Variants in SUGCT observed in about 807,000 individuals in gnomAD.
SUGCT encodes succinyl-CoA:glutarate-CoA transferase, also known as succinyl-CoA:glutarate CoA-transferase.
A neutral mutation model predicts 55.0 loss-of-function variants in SUGCT; 41 were observed. That is an observed-to-expected ratio of 0.74 (90% CI 0.58 to 0.97). SUGCT has a LOEUF of 0.97. Ranked by LOEUF, SUGCT falls within the 50% of genes least tolerant of loss-of-function variation. The pLI, the probability that SUGCT is intolerant of heterozygous loss-of-function variation, is 0.00. For synonymous variants in SUGCT, 187 were observed against 200.4 expected (o/e 0.93, Z 0.56); for missense variants, 568 against 547.8 (o/e 1.04, Z -0.37).
chr7:40,482,985 C>T (rs1272151313), intron 11 of SUGCT, among the ~76,000 whole-genome samples: 2 of 152,040 alleles, frequency 1.3e-5, no homozygotes, highest in African/African-American at 2.4e-5. Context: ...CTCATAAATG[C>T]TAGGGGGAGA....
At chr7:40,422,861 C>G (rs990420306) in intron 9 of SUGCT, among the ~76,000 whole-genome samples, 5 of 150,662 alleles carry the variant, frequency 3.3e-5, no homozygotes, top group African/African-American at 1.2e-4. Flanking sequence ...CATATAATCA[C>G]TAAGAATCTC....
At chr7:40,624,567 G>A (rs1799425351) in intron 12 of SUGCT, among the ~76,000 whole-genome samples, 1 of 152,132 alleles carries the variant, frequency 6.6e-6, no homozygotes, top group South Asian at 2.1e-4. Context: ...TTGAGACCTT[G>A]TGTGCTTAAT....
rs1785096681 is a variant in SUGCT, at chr7:40,179,810, T to TA, written c.101-1135dup. Reference sequence around the variant, plus strand: ...GTCCAAAAAGTCAAGCCCCAGTGTGTAAGCACTTATCCTGCCTCTGCTGGC... The same window carrying TA: ...GTCCAAAAAGTCAAGCCCCAGTGTGTAAAGCACTTATCCTGCCTCTGCTGGC... On this transcript the variant is annotated intron_variant, in intron 1 of 13. Coordinates refer to ENST00000335693, the MANE Select transcript of SUGCT (RefSeq NM_001193313.2). Among the ~76,000 whole-genome samples, 3 of 152,326 alleles carry TA rather than the reference T, an allele frequency of 2.0e-5. No individual in the cohort carries two copies. The South Asian group carries it at 6.2e-4, about 32-fold the overall frequency.
chr7:40,353,834 G>A lies in SUGCT; in HGVS notation c.816+36979G>A, dbSNP rs1239290084. On this transcript the variant is annotated intron_variant, in intron 9 of 13. Coordinates refer to ENST00000335693, the MANE Select transcript of SUGCT (RefSeq NM_001193313.2). ...TTTTTTCCACTTGTCACTTACTTCT[G>A]ATAAAATTGGATATACTGGGTTTGT... is the stretch of plus-strand genomic sequence containing the variant. 4.6e-5 allele frequency among the ~76,000 whole-genome samples: 7 copies of A among 152,040 alleles called. No homozygotes were observed. The South Asian group carries it at 1.2e-3, about 27-fold the overall frequency.
chr7:40,963,928 G>T, the SUGCT span, among the ~76,000 whole-genome samples: 1 of 152,186 alleles, frequency 6.6e-6, no homozygotes, highest in African/African-American at 2.4e-5. Context: ...TCTTAATTAA[G>T]ACCATCATCA....
At chr7:40,796,231 G>A (rs576553065) in intron 13 of SUGCT, among the ~76,000 whole-genome samples, 3 of 152,260 alleles carry the variant, frequency 2.0e-5, no homozygotes, top group African/African-American at 4.8e-5. Context: ...ATGAGTATTG[G>A]GTTGGGGATC....
chr7:40,474,559 C>T lies in SUGCT; in HGVS notation c.986+15361C>T, dbSNP rs199683773. On this transcript the variant is annotated intron_variant, in intron 11 of 13. Transcript: ENST00000335693. Reference sequence around the variant, plus strand: ...GCCACATGCAAAGAAGAGGTGCAGGCGTTTGGAAAGGAAAGCTGTCAGCAG... The same window carrying T: ...GCCACATGCAAAGAAGAGGTGCAGGTGTTTGGAAAGGAAAGCTGTCAGCAG... Among the ~76,000 whole-genome samples the T allele has an allele frequency of 7.9e-5, 12 of 152,062 alleles. No individual in the cohort carries two copies. The East Asian group carries it at 1.5e-3, about 20-fold the overall frequency.
At chr7:40,453,392 G>T (rs1789299038) in intron 10 of SUGCT, among the ~76,000 whole-genome samples, 1 of 152,218 alleles carries the variant, frequency 6.6e-6, no homozygotes, top group African/African-American at 2.4e-5. Flanking sequence ...TAGAGAGATT[G>T]CAGAGAGAAG....
At chr7:40,885,140 A>G in the SUGCT span, among the ~76,000 whole-genome samples, 1 of 152,122 alleles carries the variant, frequency 6.6e-6, no homozygotes, top group East Asian at 1.9e-4. Flanking sequence ...ATAGTGGCCG[A>G]GGTTATGGTA....
At chr7:40,388,517 G>A (rs937539403) in intron 9 of SUGCT, among the ~76,000 whole-genome samples, 1 of 152,144 alleles carries the variant, frequency 6.6e-6, no homozygotes, top group Admixed American at 6.5e-5. Context: ...CCAGATTCAA[G>A]TGATTCTACT....
At chr7:40,568,997 C>A (rs888923612) in intron 12 of SUGCT, among the ~76,000 whole-genome samples, 1 of 152,096 alleles carries the variant, frequency 6.6e-6, no homozygotes, top group African/African-American at 2.4e-5. Context: ...ATAACACCTA[C>A]CTTTAAGGAT....
At chr7:41,012,204 C>T in the SUGCT span, among the ~76,000 whole-genome samples, 1 of 152,166 alleles carries the variant, frequency 6.6e-6, no homozygotes, top group Non-Finnish European at 1.5e-5. Flanking sequence ...TCTCCCTCCC[C>T]CTGTGTCTTT....
chr7:40,341,969 CT>C (rs1415966079), intron 9 of SUGCT, among the ~76,000 whole-genome samples: 8 of 152,192 alleles, frequency 5.3e-5, no homozygotes, highest in Non-Finnish European at 1.0e-4. Flanking sequence ...AAGGGATGTT[CT>C]GAGGACCAAA....
chr7:40,449,411 GTTCAGT>G, intron 10 of SUGCT, 53 bp downstream of exon 10: 1 of 1,451,206 alleles, frequency 6.9e-7, no homozygotes. Context: ...GCCAGGGAAA[GTTCAGT>G]TTTGCCCAGG....
At chr7:40,892,580 C>T in the SUGCT span, among the ~76,000 whole-genome samples, 1 of 152,170 alleles carries the variant, frequency 6.6e-6, no homozygotes, top group Non-Finnish European at 1.5e-5. Flanking sequence ...GTCACCCAGG[C>T]TGTAGTGCAA....
intron 9 of SUGCT, among the ~76,000 whole-genome samples, chr7:40,341,201 G>T (rs1263692370): frequency 6.6e-6 from 1 of 152,152 alleles, no homozygotes; most frequent in East Asian, 1.9e-4. Flanking sequence ...TCCAGAAATT[G>T]TAGGATCATT....
At chr7:40,317,000 A>G (rs1003008538) in intron 9 of SUGCT, 145 bp downstream of exon 9, 7 of 460,690 alleles carry the variant, frequency 1.5e-5, no homozygotes, top group African/African-American at 2.2e-5. Flanking sequence ...TGGCTATAAC[A>G]AGGTTCTGTT....
At chr7:40,348,434 C>T (rs894875528) in intron 9 of SUGCT, among the ~76,000 whole-genome samples, 5 of 152,138 alleles carry the variant, frequency 3.3e-5, no homozygotes, top group Admixed American at 6.6e-5. Flanking sequence ...GAATGAGTCC[C>T]GTTAGAATCC....
At chr7:40,809,897 A>C (rs1346689417) in intron 13 of SUGCT, among the ~76,000 whole-genome samples, 2 of 152,090 alleles carry the variant, frequency 1.3e-5, no homozygotes, top group Admixed American at 1.3e-4. Flanking sequence ...TTTTGTCCTG[A>C]CATTAATTTG....
Sources: gnomAD v4.1 joint callset for allele counts (sites outside exome capture counted in the v4.1 genomes callset) on GRCh38, gnomAD v4.1.1 for gene constraint, MANE v1.5 for transcripts, NCBI Gene and HGNC (gene_info 2026-07-23, HGNC 2026-07-21) for gene names.